Variants in BSN observed in about 807,000 individuals in gnomAD.
BSN encodes the protein bassoon presynaptic cytomatrix protein, also known as protein bassoon.
Under a neutral mutation model 264.8 loss-of-function variants are expected in BSN, and 57 were observed. The ratio of observed to expected loss-of-function variants is 0.22; its 90% CI spans 0.17 to 0.27. The LOEUF (loss-of-function observed/expected upper bound fraction) is 0.27. BSN is among the 10% of genes least tolerant of loss of function. BSN has a pLI of 1.00. For synonymous variants in BSN, 2,059 were observed against 2,137.3 expected, an observed-to-expected ratio of 0.96 and a Z score of 1.01; for missense variants, 4,615 against 5,232.5, an observed-to-expected ratio of 0.88 and a Z score of 3.64.
At position 49,638,498 on chromosome 3, in the gene BSN, C is replaced by A. The variant is rs944779465; in HGVS notation, c.634-3770C>A. ...GATGTATTGCTGGCCTCAGAGAGCTCCCTCAGCCAGTGTCCTCCTTAGGAG... is the reference window on the plus strand; with the variant it reads ...GATGTATTGCTGGCCTCAGAGAGCTACCTCAGCCAGTGTCCTCCTTAGGAG... On this transcript the variant is annotated intron_variant, in intron 2 of 11. Transcript: ENST00000296452. This position sits in a 1 kb window ranked among gnomAD's most constrained non-coding sequence, Gnocchi z 4.3. Among the ~76,000 whole-genome samples, 13 of 152,150 alleles carry A rather than the reference C, an allele frequency of 8.5e-5. No individual in the cohort carries two copies. The highest frequency in any genetic ancestry group is 1.2e-4 in the Non-Finnish European group (8 of 68,008).
At chr3:49,630,923 G>T (rs1432328404) in intron 2 of BSN, among the ~76,000 whole-genome samples, 2 of 152,132 alleles carry the variant, frequency 1.3e-5, no homozygotes, top group African/African-American at 2.4e-5. Context: ...TTGCTGGCTG[G>T]TAACCTGTTG....
chr3:49,619,735 G>T (rs2052289384), intron 1 of BSN, among the ~76,000 whole-genome samples: 1 of 152,142 alleles, frequency 6.6e-6, no homozygotes, highest in Non-Finnish European at 1.5e-5. Flanking sequence ...GGAACTTTAG[G>T]TATTGTTCCT....
chr3:49,633,095 T>C (rs1328021138), intron 2 of BSN, among the ~76,000 whole-genome samples: 1 of 151,514 alleles, frequency 6.6e-6, no homozygotes, highest in East Asian at 1.9e-4. Context: ...TCACCTGAGG[T>C]CAAGAGTTTG....
chr3:49,632,727 C>T (rs1346478909), intron 2 of BSN, among the ~76,000 whole-genome samples: 1 of 151,882 alleles, frequency 6.6e-6, no homozygotes, highest in African/African-American at 2.4e-5. Flanking sequence ...TCGCTTGAGC[C>T]CAGGAGGCGG....
intron 2 of BSN, among the ~76,000 whole-genome samples, chr3:49,635,536 G>T (rs375294951): frequency 4.7e-4 from 72 of 152,266 alleles, no homozygotes; most frequent in African/African-American, 1.7e-3. Flanking sequence ...ATTGTTGAAA[G>T]AATTGTACAA....
In BSN at chr3:49,642,265, C is replaced by T. The variant is rs2052469680; in HGVS notation, c.634-3C>T. 2 of 1,518,884 alleles carry T rather than the reference C, an allele frequency of 1.3e-6. No homozygotes were observed. The highest frequency in any genetic ancestry group is 1.4e-5 in the African/African-American group (1 of 71,872). 94.1% of individuals were successfully genotyped at this position (1,518,884 alleles called of 1,614,324 possible). A position where few individuals can be genotyped will look rare whatever the true frequency, so the allele number is the denominator to read the frequency against. On this transcript the variant is annotated splice_polypyrimidine_tract_variant and splice_region_variant and intron_variant, in intron 2 of 11. Transcript: ENST00000296452. The surrounding 1 kb of genome is among the most constrained non-coding windows in gnomAD (Gnocchi z 7.0). ...CTGCTGACTATTTTGCTTTTCTCCT[C>T]AGGTGAAGGAGTGGCTCTGTCTGAA...
rs1160465009 is a variant in BSN at position 49,638,871 on chromosome 3, G to C, written c.634-3397G>C. ...TTCCCAGGAAGAAGTCTCACCTCAG[G>C]GCATGCTGCAGTGCCCAGGTGAATG... On this transcript the variant is annotated intron_variant, in intron 2 of 11. Transcript: ENST00000296452. The surrounding 1 kb of genome is among the most constrained non-coding windows in gnomAD (Gnocchi z 4.3). Among the ~76,000 whole-genome samples the C allele has an allele frequency of 6.6e-6, 1 of 152,148 alleles. No individual in the cohort carries two copies. The highest frequency in any genetic ancestry group is 1.5e-5 in the Non-Finnish European group (1 of 68,020).
At chr3:49,636,580 C>A (rs1037351286) in intron 2 of BSN, among the ~76,000 whole-genome samples, 20 of 152,176 alleles carry the variant, frequency 1.3e-4, no homozygotes, top group African/African-American at 4.6e-4. Flanking sequence ...TCGTGGAGAT[C>A]CAAGCCAGTG....
chr3:49,600,394 C>T (rs1380875801), intron 1 of BSN, among the ~76,000 whole-genome samples: 6 of 152,250 alleles, frequency 3.9e-5, no homozygotes, highest in East Asian at 3.9e-4. Flanking sequence ...AAGGGATTTC[C>T]GTACATGAGG....
chr3:49,560,457 C>A (rs1262679999), intron 1 of BSN, among the ~76,000 whole-genome samples: 1 of 152,234 alleles, frequency 6.6e-6, no homozygotes, highest in African/African-American at 2.4e-5. Flanking sequence ...TCTGCAGGCC[C>A]TGCCTGTCCT....
chr3:49,660,550 C>T lies in BSN; in HGVS notation c.8705C>T (p.Pro2902Leu). 6.3e-7 allele frequency: 1 copy of T among 1,589,744 alleles called. No homozygotes were observed. The highest frequency in any genetic ancestry group is 1.1e-5 in the South Asian group (1 of 87,740). ...KVKRTLPSPP[P>L]EEAHLPLAGQ... is the part of the protein sequence containing the mutation. ...AAGCGGACACTGCCCAGCCCCCCTC[C>T]AGAGGAGGCTCACCTTCCCCTGGCT... The change falls in exon 6 of 12, where the codon CCA becomes CTA. Residue 2902 changes from proline to leucine, a missense_variant. Coordinates refer to ENST00000296452, the MANE Select transcript of BSN (RefSeq NM_003458.4). This position sits in a 1 kb window ranked among gnomAD's most constrained non-coding sequence, Gnocchi z 7.1.
intron 1 of BSN, among the ~76,000 whole-genome samples, chr3:49,605,398 A>T (rs2052106420): frequency 1.9e-5 from 1 of 52,854 alleles, no homozygotes; most frequent in Non-Finnish European, 3.2e-5. Flanking sequence ...TATTTTATAT[A>T]TTTATATAAT....
rs777887876 is a variant in BSN at position 49,660,864 on chromosome 3, G to A, written c.9019G>A (p.Glu3007Lys). 3.1e-6 allele frequency: 5 copies of A among 1,613,252 alleles called. No individual in the cohort carries two copies. Among genetic ancestry groups the A allele is most frequent in the Non-Finnish European group, 4.2e-6 (5 of 1,180,022 alleles). The change falls in exon 6 of 12, where the codon GAG (glutamate) becomes AAG (lysine). Residue 3007 changes from glutamate to lysine, a missense_variant. By Grantham distance (56) the Glu-to-Lys change is moderately conservative (BLOSUM62 1). Around this residue, in one of 3 missense-constraint regions of BSN, gnomAD observed 3,415 missense variants for 3,866.4 expected, o/e 0.88. Coordinates refer to ENST00000296452, the MANE Select transcript of BSN (RefSeq NM_003458.4). This position sits in a 1 kb window ranked among gnomAD's most constrained non-coding sequence, Gnocchi z 7.1. Reference protein sequence around the residue: ...RDYPPLRGLGEHRDYLSDSEL... With the variant: ...RDYPPLRGLGKHRDYLSDSEL... ...CTACCCACCCTTGCGTGGTCTTGGC[G>A]AGCATCGTGACTACCTATCGGACAG...
chr3:49,673,039 A>AAAGTGC (rs569778890), downstream of BSN, among the ~76,000 whole-genome samples: 95 of 135,866 alleles, frequency 7.0e-4, 4 homozygotes, highest in East Asian at 0.02. Flanking sequence ...TCGGCCTTCC[A>AAAGTGC]AAGTGCAGGG....
In BSN at chr3:49,660,045, C is replaced by T. The variant is rs1190441211; in HGVS notation, c.8641-441C>T. 6.6e-6 allele frequency among the ~76,000 whole-genome samples: 1 copy of T among 152,154 alleles called. No individual in the cohort carries two copies. Among genetic ancestry groups the T allele is most frequent in the Non-Finnish European group, 1.5e-5 (1 of 68,018 alleles). ...CCTGGCGGGCCCAGGACCCTCTCCA[C>T]TCCATGCCTCCTGTTCATACTCCAC... On this transcript the variant is annotated intron_variant, in intron 5 of 11. Coordinates refer to ENST00000296452, the MANE Select transcript of BSN (RefSeq NM_003458.4). The surrounding 1 kb of genome is among the most constrained non-coding windows in gnomAD (Gnocchi z 7.1).
chr3:49,661,437 C>A lies in BSN; in HGVS notation c.9592C>A (p.Pro3198Thr), dbSNP rs1305453178. The change falls in exon 6 of 12, where the codon CCC (proline) becomes ACC (threonine). Residue 3198 changes from proline (P) to threonine (T), a missense_variant. Pro to Thr is a conservative substitution (Grantham distance 38, BLOSUM62 -1). Transcript: ENST00000296452. ...GYEQGKVPEV[P>T]RAGDRGSVSQ... Reference sequence around the variant, plus strand: ...TGAGCAGGGCAAGGTCCCTGAGGTGCCCCGGGCTGGTGACCGTGGCAGTGT... The same window carrying A: ...TGAGCAGGGCAAGGTCCCTGAGGTGACCCGGGCTGGTGACCGTGGCAGTGT... 1 of 1,613,818 alleles carries A rather than the reference C, an allele frequency of 6.2e-7. No homozygotes were observed. The highest frequency in any genetic ancestry group is 8.5e-7 in the Non-Finnish European group (1 of 1,179,996).
Position 49,642,710 on chromosome 3 carries a change from C to G in BSN, c.1076C>G (p.Thr359Ser). The stretch of plus-strand genomic sequence containing the variant: ...TTCGGCCTTGGCGCGTCACTGCTAA[C>G]CCAGGCGAGCACCCTCATGTCTGTG... ...KLFGLGASLL[T>S]QASTLMSVQP... The change falls in exon 3 of 12, where the codon ACC becomes AGC. Residue 359 changes from threonine (T) to serine (S), a missense_variant. Physicochemically the swap from Thr to Ser is moderately conservative, Grantham distance 58 (BLOSUM62 1). This residue lies in a region of BSN where 1,197 missense variants were observed against 1,348.0 expected (regional missense o/e 0.89). Coordinates refer to ENST00000296452, the MANE Select transcript of BSN (RefSeq NM_003458.4). The surrounding 1 kb of genome is among the most constrained non-coding windows in gnomAD (Gnocchi z 7.0). The G allele has an allele frequency of 6.2e-7, 1 of 1,613,512 alleles. No homozygotes were observed. The highest frequency in any genetic ancestry group is 1.3e-5 in the African/African-American group (1 of 75,060).
intron 1 of BSN, among the ~76,000 whole-genome samples, chr3:49,606,816 G>C (rs2052156355): frequency 6.6e-6 from 1 of 152,058 alleles, no homozygotes; most frequent in African/African-American, 2.4e-5. Context: ...ACCTGACCAT[G>C]CCAAAATATT....
intron 11 of BSN, among the ~76,000 whole-genome samples, chr3:49,666,534 T>C (rs1274880275): frequency 1.3e-5 from 2 of 151,976 alleles, no homozygotes; most frequent in Admixed American, 1.3e-4. Context: ...TTTCTGAAAG[T>C]GATGAGTGTT....
Sources: gnomAD v4.1 joint callset for allele counts (sites outside exome capture counted in the v4.1 genomes callset) on GRCh38, gnomAD v4.1.1 for gene constraint, gnomAD v4.1.1 regional missense constraint, Gnocchi (gnomAD v3.1) non-coding constraint, MANE v1.5 for transcripts, NCBI Gene and HGNC (gene_info 2026-07-23, HGNC 2026-07-21) for gene names.